The following CLVS1 variants were observed in gnomAD, a reference collection of about 807,000 sequenced individuals.
CLVS1 encodes the protein clavesin 1, also known as clavesin-1.
A neutral mutation model predicts 33.1 loss-of-function variants in CLVS1; 10 were observed. The observed-to-expected ratio is 0.30, with a 90% CI of 0.19 to 0.51. CLVS1 has a LOEUF of 0.51. Among genes scored for constraint, CLVS1 ranks in the 20% least tolerant of loss-of-function variants. The pLI, the probability that CLVS1 is intolerant of heterozygous loss-of-function variation, is 0.97. For synonymous variants in CLVS1, 163 were observed against 166.1 expected (o/e 0.98, Z 0.14); for missense variants, 343 against 433.4 (o/e 0.79, Z 1.85).
chr8:60,968,510 G>A, the CLVS1 span, among the ~76,000 whole-genome samples: 2 of 88,458 alleles, frequency 2.3e-5, no homozygotes, highest in African/African-American at 9.3e-5. Flanking sequence ...ACAAGACTCC[G>A]TTTCAAAAAA....
chr8:61,454,915 G>A (rs561350150), intron 4 of CLVS1, among the ~76,000 whole-genome samples: 64 of 152,256 alleles, frequency 4.2e-4, no homozygotes, highest in African/African-American at 1.4e-3. Flanking sequence ...CCACATCACA[G>A]AGTTGTTGGG....
At chr8:61,289,255 T>C (rs1207396990) in intron 1 of CLVS1, among the ~76,000 whole-genome samples, 1 of 152,236 alleles carries the variant, frequency 6.6e-6, no homozygotes, top group Non-Finnish European at 1.5e-5. Flanking sequence ...TGAAAAGGCA[T>C]TTTATGTAAC....
chr8:61,280,918 A>C (rs1809658042), intron 2 of CLVS1, among the ~76,000 whole-genome samples: 1 of 152,188 alleles, frequency 6.6e-6, no homozygotes, highest in Admixed American at 6.5e-5. Flanking sequence ...CTGAGCCACC[A>C]CGCTTGGAGA....
In CLVS1 at chr8:61,486,122, TA is replaced by T. The variant is rs1193757270; in HGVS notation, c.978-13330del. Reference sequence around the variant, plus strand: ...TAAAATAAATAAATAAATAAATAAATAAATAAAATAAATGGGAGAGTGATGC... The same window carrying T: ...TAAAATAAATAAATAAATAAATAAATAATAAAATAAATGGGAGAGTGATGC... On this transcript the variant is annotated intron_variant, in intron 5 of 5. Transcript: ENST00000325897. Among the ~76,000 whole-genome samples the T allele has an allele frequency of 4.0e-5, 6 of 151,406 alleles. No homozygotes were observed. The East Asian group carries it at 1.2e-3, about 29-fold the overall frequency.
intron 2 of CLVS1, among the ~76,000 whole-genome samples, chr8:61,146,908 G>C (rs191550140): frequency 1.2e-4 from 18 of 152,360 alleles, no homozygotes; most frequent in Non-Finnish European, 2.2e-4. Context: ...CAGCATGGTG[G>C]TGGGGTCTTC....
the CLVS1 span, among the ~76,000 whole-genome samples, chr8:60,974,468 C>T: frequency 6.6e-6 from 1 of 152,194 alleles, no homozygotes; most frequent in East Asian, 1.9e-4. Context: ...CCTTCACAGG[C>T]ACCAAATTAC....
At chr8:61,166,673 G>A (rs1806872516) in intron 2 of CLVS1, among the ~76,000 whole-genome samples, 1 of 151,738 alleles carries the variant, frequency 6.6e-6, no homozygotes, top group Non-Finnish European at 1.5e-5. Context: ...TTATTTCTCT[G>A]TGCCTTTTGA....
intron 3 of CLVS1, among the ~76,000 whole-genome samples, chr8:61,420,475 G>A (rs926804315): frequency 6.6e-6 from 1 of 152,082 alleles, no homozygotes. Flanking sequence ...AGTGTCTCCT[G>A]CCTGTAGTCC....
intron 2 of CLVS1, among the ~76,000 whole-genome samples, chr8:61,338,183 G>A (rs1368598630): frequency 6.6e-6 from 1 of 152,106 alleles, no homozygotes; most frequent in Non-Finnish European, 1.5e-5. Context: ...CAGACACAGA[G>A]CCTCCATTTC....
At chr8:61,231,635 T>C (rs920361396) in intron 2 of CLVS1, among the ~76,000 whole-genome samples, 1 of 152,188 alleles carries the variant, frequency 6.6e-6, no homozygotes, top group South Asian at 2.1e-4. Context: ...TAAGATATTA[T>C]GGATGGCAAA....
At chr8:61,357,489 C>CTTTTTTTTTTTTTTTT (rs1462908906) in intron 2 of CLVS1, among the ~76,000 whole-genome samples, 6 of 30,262 alleles carry the variant, frequency 2.0e-4, no homozygotes, top group South Asian at 2.7e-3. Context: ...TTTCCTTTTT[C>CTTTTTTTTTTTTTTTT]TTTTCTTTTT....
At chr8:61,201,814 G>T (rs1167925174) in intron 2 of CLVS1, among the ~76,000 whole-genome samples, 1 of 152,158 alleles carries the variant, frequency 6.6e-6, no homozygotes, top group African/African-American at 2.4e-5. Context: ...AATAGCACTA[G>T]AACATAAATT....
chr8:61,356,242 C>T (rs892731407), intron 2 of CLVS1, among the ~76,000 whole-genome samples: 101 of 152,054 alleles, frequency 6.6e-4, no homozygotes, highest in African/African-American at 2.3e-3. Context: ...ATATCCTTCA[C>T]CCAGTTTTTG....
At chr8:61,062,906 T>C (rs1352277355) in intron 1 of CLVS1, among the ~76,000 whole-genome samples, 1 of 152,254 alleles carries the variant, frequency 6.6e-6, no homozygotes, top group East Asian at 1.9e-4. Flanking sequence ...TACTATGTTA[T>C]TATGTGATTG....
At chr8:61,119,906 T>C (rs199813208) in intron 1 of CLVS1, among the ~76,000 whole-genome samples, 3,173 of 111,922 alleles carry the variant, frequency 0.028, 37 homozygotes, top group South Asian at 0.046. Flanking sequence ...TTTCCTGAAT[T>C]TGAATGTTGG....
chr8:61,253,131 C>A (rs1585724101), intron 2 of CLVS1, among the ~76,000 whole-genome samples: 1 of 152,160 alleles, frequency 6.6e-6, no homozygotes, highest in Non-Finnish European at 1.5e-5. Flanking sequence ...GACAAAATCT[C>A]TCAGCATTTG....
intron 1 of CLVS1, among the ~76,000 whole-genome samples, chr8:61,071,111 G>A (rs1240501144): frequency 1.3e-5 from 2 of 152,186 alleles, no homozygotes; most frequent in Non-Finnish European, 1.5e-5. Flanking sequence ...AAAGAGAAAG[G>A]CCTACCCTGG....
the CLVS1 span, among the ~76,000 whole-genome samples, chr8:61,013,452 A>C: frequency 7.2e-5 from 11 of 151,900 alleles, no homozygotes; most frequent in Admixed American, 7.2e-4. Context: ...GAGTCTCTGC[A>C]TCTCTCCCCT....
chr8:61,005,372 G>A, the CLVS1 span, among the ~76,000 whole-genome samples: 1 of 126,904 alleles, frequency 7.9e-6, no homozygotes, highest in Non-Finnish European at 1.6e-5. Context: ...GAACAACAGG[G>A]TGGCTTTTTT....
Sources: allele counts gnomAD v4.1 joint callset (sites outside exome capture counted in the v4.1 genomes callset), GRCh38; gene constraint gnomAD v4.1.1; transcripts MANE v1.5; gene names NCBI Gene and HGNC (gene_info 2026-07-23, HGNC 2026-07-21).